Variants in SCAMP2 observed in about 807,000 individuals in gnomAD.
SCAMP2 encodes secretory carrier membrane protein 2.
Under a neutral mutation model 44.1 loss-of-function variants are expected in SCAMP2, and 25 were observed. That is an observed-to-expected ratio of 0.57 (90% CI 0.41 to 0.79). The LOEUF is 0.79. Among genes scored for constraint, SCAMP2 ranks in the 30% least tolerant of loss-of-function variants. SCAMP2 has a pLI of 0.00. For missense variants in SCAMP2, 355 were observed against 411.0 expected (o/e 0.86, Z 1.18); for synonymous variants, 156 against 166.0 (o/e 0.94, Z 0.46).
intron 1 of SCAMP2, among the ~76,000 whole-genome samples, chr15:74,860,325 G>T (rs1284100814): frequency 2.0e-5 from 3 of 152,116 alleles, no homozygotes; most frequent in Admixed American, 1.3e-4. Flanking sequence ...CAAGGCAGGA[G>T]GATCACCTGA....
chr15:74,851,245 G>T, intron 5 of SCAMP2, 108 bp downstream of exon 5: 2 of 1,292,830 alleles, frequency 1.5e-6, no homozygotes, highest in Non-Finnish European at 2.2e-6. Context: ...AGGAAGGCTG[G>T]AGTCTGCTGA....
Position 74,845,337 on chromosome 15 carries a change from G to A in SCAMP2, c.856-120C>T, listed in dbSNP as rs747774503. 5 of 1,580,754 alleles carry A rather than the reference G, an allele frequency of 3.2e-6. No individual in the cohort carries two copies. In the African/African-American group the frequency reaches 6.7e-5, roughly 21 times the overall value. On this transcript the variant is annotated intron_variant, in intron 8 of 8. Transcript: ENST00000268099. Reference sequence around the variant, plus strand: ...CTGGCACTGCCTGACCCCCCACCCAGATCCCTGGAGAAAGGTACTGGACCT... The same window carrying A: ...CTGGCACTGCCTGACCCCCCACCCAAATCCCTGGAGAAAGGTACTGGACCT...
In SCAMP2 at chr15:74,848,603, T is replaced by A; in HGVS notation, c.731A>T (p.Asp244Val). 1 of 1,590,464 alleles carries A rather than the reference T, an allele frequency of 6.3e-7. No homozygotes were observed. The highest frequency in any genetic ancestry group is 8.6e-7 in the Non-Finnish European group (1 of 1,158,742). The change falls in exon 7 of 9, where the codon GAC becomes GTC. Residue 244 changes from aspartate to valine, a missense_variant. Transcript: ENST00000268099. ...IQLVGIPGLG[D>V]SGWIAALSTL... is the part of the protein sequence containing the mutation. ...CTCTGTGATGCCCAGGTCTCACCTGTCCCCCAGGCCAGGGATGCCAACCAA... is the reference window on the plus strand; with the variant it reads ...CTCTGTGATGCCCAGGTCTCACCTGACCCCCAGGCCAGGGATGCCAACCAA...
rs145969300 is a variant in SCAMP2 at position 74,856,113 on chromosome 15, G to A, written c.58-1464C>T. ...CCATGCCTGGGCTCCATGAGGAACAGCCCTGAGGGTGGCCAAATTCAGGGC... is the reference window on the plus strand; with the variant it reads ...CCATGCCTGGGCTCCATGAGGAACAACCCTGAGGGTGGCCAAATTCAGGGC... On this transcript the variant is annotated intron_variant, in intron 1 of 8. Coordinates refer to ENST00000268099, the MANE Select transcript of SCAMP2 (RefSeq NM_005697.5). 5.1e-4 allele frequency among the ~76,000 whole-genome samples: 77 copies of A among 152,124 alleles called. No homozygotes were observed. The East Asian group carries it at 0.01, about 21-fold the overall frequency.
intron 1 of SCAMP2, among the ~76,000 whole-genome samples, chr15:74,864,244 G>A (rs887366118): frequency 3.8e-4 from 58 of 152,230 alleles, no homozygotes; most frequent in African/African-American, 1.2e-3. Flanking sequence ...TGTATTTTTA[G>A]TAGGGACAGG....
At chr15:74,858,475 T>C (rs1404816776) in intron 1 of SCAMP2, among the ~76,000 whole-genome samples, 1 of 152,138 alleles carries the variant, frequency 6.6e-6, no homozygotes, top group Non-Finnish European at 1.5e-5. Flanking sequence ...AAAGCTACAA[T>C]ACAGCTCCTC....
intron 5 of SCAMP2, 121 bp from the exon 6 acceptor site, chr15:74,850,794 G>GGGCTCCTCTGTTTC: frequency 1.0e-6 from 1 of 990,550 alleles, no homozygotes; most frequent in African/African-American, 1.6e-5. Context: ...TGAAACAGAG[G>GGGCTCCTCTGTTTC]AGCCCGCTCT....
At chr15:74,865,724 G>C (rs2064537680) in intron 1 of SCAMP2, among the ~76,000 whole-genome samples, 1 of 144,720 alleles carries the variant, frequency 6.9e-6, no homozygotes, top group African/African-American at 2.6e-5. Context: ...GGTTGAGGCA[G>C]GATTGCTTGA....
chr15:74,862,707 A>T (rs1283444507), intron 1 of SCAMP2, among the ~76,000 whole-genome samples: 2 of 151,712 alleles, frequency 1.3e-5, no homozygotes, highest in Non-Finnish European at 2.9e-5. Flanking sequence ...ACATAATCCC[A>T]GCTACTTGGG....
chr15:74,852,373 C>T, intron 3 of SCAMP2, 187 bp from the exon 4 acceptor site: 1 of 415,398 alleles, frequency 2.4e-6, no homozygotes, highest in East Asian at 3.6e-5. Context: ...ACCTGTCTTC[C>T]ACTGCCCCCA....
At chr15:74,856,261 G>GT (rs1567251963) in intron 1 of SCAMP2, among the ~76,000 whole-genome samples, 3 of 108,634 alleles carry the variant, frequency 2.8e-5, no homozygotes, top group African/African-American at 1.0e-4. Context: ...TGCAGAGCCA[G>GT]TTCTTTTTTT....
chr15:74,851,988 G>T, intron 4 of SCAMP2, 81 bp downstream of exon 4: 1 of 913,862 alleles, frequency 1.1e-6, no homozygotes, highest in Non-Finnish European at 1.6e-6. Context: ...CAGGGTGAAT[G>T]CTGGGAGGCC....
intron 1 of SCAMP2, among the ~76,000 whole-genome samples, chr15:74,861,526 G>A (rs2064503211): frequency 6.6e-6 from 1 of 152,148 alleles, no homozygotes; most frequent in Non-Finnish European, 1.5e-5. Flanking sequence ...GAGACCACAG[G>A]TATGTTTTGG....
At chr15:74,868,826 G>A (rs2064558613) in intron 1 of SCAMP2, among the ~76,000 whole-genome samples, 1 of 152,168 alleles carries the variant, frequency 6.6e-6, no homozygotes, top group South Asian at 2.1e-4. Context: ...TTATAGGTGT[G>A]AGCCACCATG....
intron 3 of SCAMP2, chr15:74,853,483 T>C: frequency 2.2e-6 from 1 of 456,416 alleles, no homozygotes; most frequent in Non-Finnish European, 4.4e-6. Context: ...CTTGCTGGCC[T>C]GTCTAAGCAG....
At chr15:74,864,788 G>C (rs1455510933) in intron 1 of SCAMP2, among the ~76,000 whole-genome samples, 2 of 152,042 alleles carry the variant, frequency 1.3e-5, no homozygotes. Context: ...GAAAGGGAAG[G>C]GAAAGAATAG....
At chr15:74,851,291 G>A in intron 5 of SCAMP2, 62 bp downstream of exon 5, 1 of 1,581,404 alleles carries the variant, frequency 6.3e-7, no homozygotes, top group Non-Finnish European at 8.7e-7. Flanking sequence ...CCAGGACCAA[G>A]ATGGGGCTCT....
At chr15:74,862,202 G>A (rs1481676425) in intron 1 of SCAMP2, among the ~76,000 whole-genome samples, 2 of 142,230 alleles carry the variant, frequency 1.4e-5, no homozygotes, top group East Asian at 4.5e-4. Context: ...GGTAGAGGTT[G>A]CAGTGAGTCG....
At chr15:74,855,052 T>C (rs939535027) in intron 1 of SCAMP2, among the ~76,000 whole-genome samples, 4 of 151,774 alleles carry the variant, frequency 2.6e-5, no homozygotes, top group African/African-American at 9.7e-5. Context: ...ACTATTGACT[T>C]TATAACCTTT....
Sources: allele counts gnomAD v4.1 joint callset (sites outside exome capture counted in the v4.1 genomes callset), GRCh38; gene constraint gnomAD v4.1.1; transcripts MANE v1.5; gene names NCBI Gene and HGNC (gene_info 2026-07-23, HGNC 2026-07-21).